Variants in DENND11 observed in about 807,000 individuals in gnomAD.
DENND11 encodes the protein DENN domain-containing protein 11.
Under a neutral mutation model 49.2 loss-of-function variants are expected in DENND11, and 34 were observed. The ratio of observed to expected loss-of-function variants is 0.69; its 90% CI spans 0.53 to 0.92. The LOEUF (loss-of-function observed/expected upper bound fraction) is 0.92. DENND11 is among the 40% of genes least tolerant of loss of function. The pLI is 0.00. For synonymous variants in DENND11, 238 were observed against 230.3 expected (o/e 1.03, Z -0.30); for missense variants, 475 against 581.6 (o/e 0.82, Z 1.88).
intron 4 of DENND11, among the ~76,000 whole-genome samples, chr7:141,669,183 T>G (rs760326623): frequency 1.3e-5 from 2 of 152,090 alleles, no homozygotes; most frequent in African/African-American, 4.8e-5. Context: ...TTCCAGTTTA[T>G]TTTTTTCCCT....
At position 141,677,456 on chromosome 7, in the gene DENND11, CAT is replaced by C. The variant is rs537442602; in HGVS notation, c.528-3238_528-3237del. ...ATATGTGTGTGTGTGTGTGTATTTA[CAT>C]ATGTGTATATATATTTATATATATT... On this transcript the variant is annotated intron_variant, in intron 3 of 8. Coordinates refer to ENST00000536163, the MANE Select transcript of DENND11 (RefSeq NM_001080392.2). Among the ~76,000 whole-genome samples, 200 of 126,472 alleles carry C rather than the reference CAT, an allele frequency of 1.6e-3. 1 individual carries two copies. Among genetic ancestry groups the C allele is most frequent in the African/African-American group, 5.6e-3 (190 of 33,750 alleles). 83.0% of individuals were successfully genotyped at this position (126,472 alleles called of 152,430 possible). A position where few individuals can be genotyped will look rare whatever the true frequency, so the allele number is the denominator to read the frequency against.
intron 4 of DENND11, among the ~76,000 whole-genome samples, chr7:141,670,944 G>A (rs1433352412): frequency 6.6e-6 from 1 of 152,116 alleles, no homozygotes; most frequent in Non-Finnish European, 1.5e-5. Context: ...AGGGTGCCTA[G>A]AACCAAGGCC....
At chr7:141,671,208 A>ACTCTGTTGCCCAGGTTGGAGTG (rs1797974592) in intron 4 of DENND11, among the ~76,000 whole-genome samples, 1 of 152,138 alleles carries the variant, frequency 6.6e-6, no homozygotes, top group East Asian at 1.9e-4. Flanking sequence ...GAGAAGTCTC[A>ACTCTGTTGCCCAGGTTGGAGTG]CTCTGTTGCC....
intron 1 of DENND11, among the ~76,000 whole-genome samples, chr7:141,700,773 C>G (rs1424024094): frequency 1.3e-5 from 2 of 152,052 alleles, no homozygotes; most frequent in Non-Finnish European, 1.5e-5. Flanking sequence ...GCTGAGAACC[C>G]CAAAATTACC....
rs545365822 is a variant in DENND11, at chr7:141,657,783, C to T, written c.*4873G>A. ...TCCATCATCATTTCTTTATATAGCA[C>T]TAGAAAATTCTTATTCCCCTTCTAA... On this transcript the variant is annotated 3_prime_UTR_variant, in exon 9 of 9. Coordinates refer to ENST00000536163, the MANE Select transcript of DENND11 (RefSeq NM_001080392.2). The T allele has an allele frequency of 1.3e-5, 2 of 152,686 alleles. No individual in the cohort carries two copies. Among genetic ancestry groups the T allele is most frequent in the South Asian group, 4.1e-4 (2 of 4,822 alleles). The allele number at this position is 152,686 out of a possible 1,614,324, so 9.5% of individuals were successfully genotyped here. A position where few individuals can be genotyped will look rare whatever the true frequency, so the allele number is the denominator to read the frequency against.
At chr7:141,685,390 C>A in intron 3 of DENND11, 88 bp downstream of exon 3, 2 of 1,471,200 alleles carry the variant, frequency 1.4e-6, no homozygotes, top group Non-Finnish European at 9.3e-7. Context: ...GCTGCTCTGG[C>A]ACGCAAATGC....
At chr7:141,677,997 C>T (rs1344403785) in intron 3 of DENND11, among the ~76,000 whole-genome samples, 1 of 151,068 alleles carries the variant, frequency 6.6e-6, no homozygotes, top group Non-Finnish European at 1.5e-5. Flanking sequence ...GAGTCTCGCT[C>T]TGTTGCCCAG....
chr7:141,697,972 G>A (rs28520221), intron 1 of DENND11, among the ~76,000 whole-genome samples: 3,921 of 152,286 alleles, frequency 0.026, 148 homozygotes, highest in African/African-American at 0.081. Flanking sequence ...AACCTCAGCA[G>A]GTGATCTGCC....
chr7:141,659,547 C>A lies in DENND11; in HGVS notation c.*3109G>T, dbSNP rs1797755293. ...GCCTTTGTCATATTTTGCATGGATACCAACGAGCCCCAAACCTGAATTCCA... is the reference window on the plus strand; with the variant it reads ...GCCTTTGTCATATTTTGCATGGATAACAACGAGCCCCAAACCTGAATTCCA... On this transcript the variant is annotated 3_prime_UTR_variant, in exon 9 of 9. Transcript: ENST00000536163. 6.6e-6 allele frequency: 1 copy of A among 152,212 alleles called. No homozygotes were observed. The allele number at this position is 152,212 out of a possible 1,614,324, so 9.4% of individuals were successfully genotyped here.
intron 3 of DENND11, among the ~76,000 whole-genome samples, chr7:141,685,220 A>C (rs1311976971): frequency 6.6e-6 from 1 of 151,904 alleles, no homozygotes; most frequent in Non-Finnish European, 1.5e-5. Context: ...AAAATGACTT[A>C]ATTTTAAAAA....
chr7:141,685,154 G>A (rs2117071909), intron 3 of DENND11, among the ~76,000 whole-genome samples: 1 of 150,900 alleles, frequency 6.6e-6, no homozygotes, highest in South Asian at 2.1e-4. Context: ...TTGCCTACTT[G>A]GGGCAAGGAG....
rs761079183 is a variant in DENND11, at chr7:141,656,943, C to G, written c.*5713G>C. 11 of 152,802 alleles carry G rather than the reference C, an allele frequency of 7.2e-5. No individual in the cohort carries two copies. Among genetic ancestry groups the G allele is most frequent in the Non-Finnish European group, 1.0e-4 (7 of 68,100 alleles). 9.5% of individuals were successfully genotyped at this position (152,802 alleles called of 1,614,324 possible). A position where few individuals can be genotyped will look rare whatever the true frequency, so the allele number is the denominator to read the frequency against. ...GCCTTAAAATTACCACCACTGGAAA[C>G]AGAGAGAGAGCACGGCATACCTGGG... is the stretch of plus-strand genomic sequence containing the variant. On this transcript the variant is annotated 3_prime_UTR_variant, in exon 9 of 9. Transcript: ENST00000536163.
intron 1 of DENND11, chr7:141,701,445 T>C (rs969793555): frequency 2.9e-4 from 1 of 3,460 alleles, no homozygotes; most frequent in Non-Finnish European, 6.1e-4. Context: ...GGGGACGGGA[T>C]GGGGGGCGAG....
At chr7:141,695,600 C>T (rs1798400264) in intron 1 of DENND11, among the ~76,000 whole-genome samples, 1 of 152,218 alleles carries the variant, frequency 6.6e-6, no homozygotes, top group South Asian at 2.1e-4. Context: ...TGCTACTTAT[C>T]CCAGGCTCAG....
Position 141,666,303 on chromosome 7 carries a change from GC to G in DENND11, c.803del (p.Gly268AlafsTer34). 6.2e-7 allele frequency: 1 copy of G among 1,612,174 alleles called. No homozygotes were observed. Among genetic ancestry groups the G allele is most frequent in the Non-Finnish European group, 8.5e-7 (1 of 1,178,884 alleles). On this transcript the variant is annotated frameshift_variant, in exon 5 of 9. Transcript: ENST00000536163. LOFTEE classifies it high-confidence loss of function. ...TCTGGTTACCTCTATAGCACACCAC[GC>G]CCACAGGTGGGGGAGAAAATATCAA... ...RILIFSPPPV[G>X]VVCYRVYCCC... is the part of the protein sequence containing the mutation.
At chr7:141,686,837 G>A (rs911536064) in intron 1 of DENND11, among the ~76,000 whole-genome samples, 179 bp from the exon 2 acceptor site, 1 of 152,180 alleles carries the variant, frequency 6.6e-6, no homozygotes, top group Non-Finnish European at 1.5e-5. Context: ...GCCGGAGGAC[G>A]TGGAGGTGGA....
intron 4 of DENND11, 97 bp downstream of exon 4, chr7:141,673,970 C>A: frequency 7.1e-7 from 1 of 1,408,568 alleles, no homozygotes; most frequent in South Asian, 1.4e-5. Flanking sequence ...TTGTATGATC[C>A]AAAGACATAA....
intron 1 of DENND11, among the ~76,000 whole-genome samples, chr7:141,699,643 A>T (rs1031784730): frequency 2.0e-5 from 3 of 152,120 alleles, no homozygotes; most frequent in African/African-American, 7.2e-5. Context: ...ATAAGTAAGG[A>T]TCAGGTGCCA....
intron 1 of DENND11, among the ~76,000 whole-genome samples, chr7:141,700,010 T>G (rs1483798839): frequency 6.6e-6 from 1 of 152,214 alleles, no homozygotes; most frequent in African/African-American, 2.4e-5. Context: ...GGGCAGGTAC[T>G]AGCCCTCTGG....
Sources: allele counts gnomAD v4.1 joint callset (sites outside exome capture counted in the v4.1 genomes callset), GRCh38; gene constraint gnomAD v4.1.1; transcripts MANE v1.5; gene names NCBI Gene and HGNC (gene_info 2026-07-23, HGNC 2026-07-21).